The following CUX1 variants were observed in gnomAD, a reference collection of about 807,000 sequenced individuals.
CUX1 encodes protein CASP.
In CUX1, 31 loss-of-function variants were observed where a neutral mutation model predicts 158.8. That is an observed-to-expected ratio of 0.20 (90% CI 0.15 to 0.26). The LOEUF is 0.26. Among genes scored for constraint, CUX1 ranks in the 10% least tolerant of loss-of-function variants. The probability of loss-of-function intolerance (pLI) is 1.00; values close to 1 mark genes in which losing one functional copy is unlikely to be tolerated. For missense variants in CUX1, 1,589 were observed against 2,014.6 expected (o/e 0.79, Z 4.04); for synonymous variants, 879 against 862.1 (o/e 1.02, Z -0.34).
At chr7:102,268,797 G>A (rs2132778688) in intron 14 of CUX1, among the ~76,000 whole-genome samples, 1 of 152,124 alleles carries the variant, frequency 6.6e-6, no homozygotes, top group East Asian at 1.9e-4. Context: ...AGGAGGAAGA[G>A]AGAGAGAATG....
chr7:102,198,885 G>A lies in CUX1; in HGVS notation c.1960+18G>A, dbSNP rs201419109. 270 of 1,612,260 alleles carry A rather than the reference G, an allele frequency of 1.7e-4. No individual in the cohort carries two copies. The highest frequency in any genetic ancestry group is 2.0e-4 in the Non-Finnish European group (239 of 1,178,364). ...GTCTGAAGGTATGTTGCAGGCAGGC[G>A]TTTTCTTTGCAGTCAGTCACCTAGG... On this transcript the variant is annotated intron_variant, in intron 16 of 23. Coordinates refer to ENST00000292535, the MANE Select transcript of CUX1 (RefSeq NM_181552.4).
chr7:102,040,074 A>G (rs572257891), intron 3 of CUX1, among the ~76,000 whole-genome samples: 4 of 152,294 alleles, frequency 2.6e-5, no homozygotes, highest in African/African-American at 7.2e-5. Context: ...GCTTCCAGCT[A>G]TGGGCCAAAC....
chr7:101,932,604 G>C (rs1335974035), intron 2 of CUX1: 1 of 455,696 alleles, frequency 2.2e-6, no homozygotes, highest in Non-Finnish European at 4.4e-6. Context: ...CGGCCTGGTT[G>C]ATGTGTGCTC....
chr7:102,270,856 G>A (rs971370185), intron 14 of CUX1, among the ~76,000 whole-genome samples: 2 of 152,198 alleles, frequency 1.3e-5, no homozygotes, highest in Non-Finnish European at 2.9e-5. Context: ...TGCACAGAAT[G>A]TCACCTACAT....
At chr7:101,816,343 A>AGCC (rs1241394439), upstream of CUX1, among the ~76,000 whole-genome samples, 2 of 142,392 alleles carry the variant, frequency 1.4e-5, no homozygotes, top group East Asian at 2.2e-4. Context: ...TGGCGCCGGG[A>AGCC]GCCGCCGCCG....
chr7:101,816,166 C>T (rs888131515), upstream of CUX1: 53 of 770,914 alleles, frequency 6.9e-5, no homozygotes, highest in Non-Finnish European at 8.5e-5. Flanking sequence ...CGCCGGGGGC[C>T]CCGGGCTGGC....
At chr7:102,054,341 G>T (rs369584355) in intron 3 of CUX1, among the ~76,000 whole-genome samples, 46 of 152,306 alleles carry the variant, frequency 3.0e-4, no homozygotes, top group African/African-American at 9.9e-4. Flanking sequence ...TGCATATGGT[G>T]TGAGGTAGGG....
intron 1 of CUX1, among the ~76,000 whole-genome samples, chr7:101,823,771 T>C (rs940804591): frequency 6.6e-6 from 1 of 152,198 alleles, no homozygotes; most frequent in Non-Finnish European, 1.5e-5. Context: ...GAAAAACAAA[T>C]TGACAAATTA....
At chr7:101,919,307 C>T (rs144905484) in intron 2 of CUX1, among the ~76,000 whole-genome samples, 1,990 of 152,188 alleles carry the variant, frequency 0.013, 23 homozygotes, top group South Asian at 0.028. Context: ...ACTGGGTCAC[C>T]GTTTGTTTGG....
chr7:101,925,594 A>G (rs62463739), intron 2 of CUX1, among the ~76,000 whole-genome samples: 23,322 of 152,130 alleles, frequency 0.15, 2,061 homozygotes, highest in Middle Eastern at 0.25. Context: ...TAAATGGGTG[A>G]GTTGTATGGT....
At chr7:102,204,649 GGGAA>G in intron 19 of CUX1, 93 bp downstream of exon 19, 1 of 1,508,616 alleles carries the variant, frequency 6.6e-7, no homozygotes, top group Non-Finnish European at 8.9e-7. Context: ...AGAGGGAGGA[GGGAA>G]CTCCGCCCCA....
intron 2 of CUX1, among the ~76,000 whole-genome samples, chr7:101,973,231 G>C (rs1331660943): frequency 6.6e-6 from 1 of 152,084 alleles, no homozygotes; most frequent in African/African-American, 2.4e-5. Flanking sequence ...TTTTGCTTGA[G>C]CCTCCCAGCC....
At chr7:102,087,296 G>A (rs1039820527) in intron 4 of CUX1, among the ~76,000 whole-genome samples, 16 of 152,146 alleles carry the variant, frequency 1.1e-4, no homozygotes, top group African/African-American at 3.4e-4. Context: ...AAAGTGAAAA[G>A]TAAGCCAGCC....
At chr7:101,960,279 GATTA>G (rs1810313395) in intron 2 of CUX1, 1 of 152,208 alleles carries the variant, frequency 6.6e-6, no homozygotes, top group African/African-American at 2.4e-5. Context: ...TCGGATGACT[GATTA>G]ATTGTGAGAT....
chr7:101,884,897 T>A (rs1299996926), intron 1 of CUX1, among the ~76,000 whole-genome samples: 1 of 152,074 alleles, frequency 6.6e-6, no homozygotes, highest in African/African-American at 2.4e-5. Flanking sequence ...TTCTGCCTGG[T>A]TTTGGTGATG....
chr7:101,953,713 C>T (rs527999184), intron 2 of CUX1, among the ~76,000 whole-genome samples: 2 of 152,232 alleles, frequency 1.3e-5, no homozygotes, highest in Middle Eastern at 3.4e-3. Flanking sequence ...GCCTCAGGCC[C>T]GTGCCAGGAC....
chr7:101,829,153 ATTAAC>A (rs1260785791), intron 1 of CUX1, among the ~76,000 whole-genome samples: 1 of 151,962 alleles, frequency 6.6e-6, no homozygotes, highest in East Asian at 1.9e-4. Flanking sequence ...GGGGTGAAGA[ATTAAC>A]TTGAACTGGC....
intron 1 of CUX1, among the ~76,000 whole-genome samples, chr7:101,883,659 T>C (rs757088382): frequency 6.6e-6 from 1 of 152,072 alleles, no homozygotes; most frequent in Non-Finnish European, 1.5e-5. Flanking sequence ...TTGCCCAGGC[T>C]GGAGTGCAAT....
At chr7:102,040,313 C>A (rs767373470) in intron 3 of CUX1, among the ~76,000 whole-genome samples, 1 of 152,134 alleles carries the variant, frequency 6.6e-6, no homozygotes, top group Non-Finnish European at 1.5e-5. Flanking sequence ...GCAAGGAGAA[C>A]CAGCCACACT....
Sources: allele counts gnomAD v4.1 joint callset (sites outside exome capture counted in the v4.1 genomes callset), GRCh38; gene constraint gnomAD v4.1.1; transcripts MANE v1.5; gene names NCBI Gene and HGNC (gene_info 2026-07-23, HGNC 2026-07-21).